The following DLGAP1 variants were observed in gnomAD, a reference collection of about 807,000 sequenced individuals.
The protein encoded by DLGAP1 is DLG associated protein 1, also known as disks large-associated protein 1.
DLGAP1 carries 11 observed loss-of-function variants against 90.8 expected under a neutral mutation model. The observed-to-expected ratio is 0.12, with a 90% CI of 0.08 to 0.20. The LOEUF (loss-of-function observed/expected upper bound fraction) is 0.20, where lower values mean the gene tolerates loss of function less well. Among genes scored for constraint, DLGAP1 ranks in the 10% least tolerant of loss-of-function variants. DLGAP1 has a pLI of 1.00. For missense variants in DLGAP1, 1,050 were observed against 1,333.8 expected (o/e 0.79, Z 3.31); for synonymous variants, 558 against 540.7 (o/e 1.03, Z -0.44).
intron 2 of DLGAP1, among the ~76,000 whole-genome samples, chr18:4,088,692 G>A (rs549396352): frequency 1.3e-4 from 20 of 152,070 alleles, no homozygotes; most frequent in African/African-American, 4.6e-4. Context: ...GTCTGAAGAT[G>A]TCAAACCATA....
intron 10 of DLGAP1, among the ~76,000 whole-genome samples, chr18:3,522,135 C>CTTTTTTTTTTTTTTT (rs11374414): frequency 1.2e-4 from 12 of 98,210 alleles, no homozygotes; most frequent in African/African-American, 2.0e-4. Flanking sequence ...TTCTTTCTTG[C>CTTTTTTTTTTTTTTT]TTTTTTTTTT....
intron 1 of DLGAP1, among the ~76,000 whole-genome samples, chr18:4,161,429 C>A (rs2076843378): frequency 6.6e-6 from 1 of 152,104 alleles, no homozygotes; most frequent in Admixed American, 6.6e-5. Flanking sequence ...GATCTCATTT[C>A]TTTTCATGGC....
At chr18:3,539,941 G>A (rs577852385) in intron 9 of DLGAP1, among the ~76,000 whole-genome samples, 1 of 152,266 alleles carries the variant, frequency 6.6e-6, no homozygotes, top group Non-Finnish European at 1.5e-5. Context: ...AGAGAGCAAT[G>A]CTAGCACTCT....
intron 5 of DLGAP1, among the ~76,000 whole-genome samples, chr18:3,778,900 C>A (rs558554459): frequency 1.3e-5 from 2 of 152,158 alleles, no homozygotes; most frequent in Non-Finnish European, 2.9e-5. Flanking sequence ...GCCAGTCCTG[C>A]AGCCTTGTAA....
chr18:3,642,814 C>T (rs1214533307), intron 7 of DLGAP1, among the ~76,000 whole-genome samples: 1 of 152,188 alleles, frequency 6.6e-6, no homozygotes, highest in Non-Finnish European at 1.5e-5. Context: ...AAAGCACACC[C>T]CAGAGCTAAG....
intron 7 of DLGAP1, among the ~76,000 whole-genome samples, chr18:3,612,053 C>T (rs1027040217): frequency 6.6e-6 from 1 of 152,220 alleles, no homozygotes; most frequent in Admixed American, 6.5e-5. Flanking sequence ...CTTTTCATGC[C>T]TGAAAGGCAA....
At chr18:3,602,788 G>T (rs2057134612) in intron 7 of DLGAP1, among the ~76,000 whole-genome samples, 1 of 151,908 alleles carries the variant, frequency 6.6e-6, no homozygotes. Context: ...ATTTTGGAGG[G>T]ATTTCTAGCA....
chr18:4,146,064 A>G (rs2076581115), intron 2 of DLGAP1, among the ~76,000 whole-genome samples: 1 of 152,212 alleles, frequency 6.6e-6, no homozygotes, highest in Non-Finnish European at 1.5e-5. Flanking sequence ...TTCATCTTTT[A>G]AAGTCCTAAA....
intron 10 of DLGAP1, among the ~76,000 whole-genome samples, chr18:3,525,510 C>T (rs2051557837): frequency 6.6e-6 from 1 of 152,188 alleles, no homozygotes; most frequent in South Asian, 2.1e-4. Flanking sequence ...AGCAGTTCTC[C>T]TTCCTCAGCC....
At chr18:4,432,384 T>C (rs1375353175) in intron 1 of DLGAP1, among the ~76,000 whole-genome samples, 1 of 152,192 alleles carries the variant, frequency 6.6e-6, no homozygotes, top group African/African-American at 2.4e-5. Context: ...CAGTATCTGA[T>C]ATTTGTTAAT....
chr18:3,538,076 A>G (rs1877037636), intron 9 of DLGAP1, among the ~76,000 whole-genome samples: 1 of 152,232 alleles, frequency 6.6e-6, no homozygotes, highest in African/African-American at 2.4e-5. Flanking sequence ...TGACCAGAAC[A>G]ATACAGACAA....
At chr18:4,019,392 A>G (rs2074573133) in intron 2 of DLGAP1, among the ~76,000 whole-genome samples, 1 of 152,192 alleles carries the variant, frequency 6.6e-6, no homozygotes, top group African/African-American at 2.4e-5. Context: ...CTTAAGATTT[A>G]TCTGATTAAA....
At chr18:4,224,992 C>T (rs1461702942) in intron 1 of DLGAP1, among the ~76,000 whole-genome samples, 1 of 152,020 alleles carries the variant, frequency 6.6e-6, no homozygotes, top group East Asian at 1.9e-4. Flanking sequence ...TACACACACT[C>T]ACACCCCCCC....
At chr18:3,755,715 A>G (rs769833271) in intron 5 of DLGAP1, among the ~76,000 whole-genome samples, 2 of 152,222 alleles carry the variant, frequency 1.3e-5, no homozygotes, top group African/African-American at 4.8e-5. Flanking sequence ...TAATTCAACA[A>G]TAGTAGTTAG....
At chr18:3,773,234 C>T (rs2148045287) in intron 5 of DLGAP1, among the ~76,000 whole-genome samples, 1 of 152,200 alleles carries the variant, frequency 6.6e-6, no homozygotes, top group East Asian at 1.9e-4. Flanking sequence ...CGATAACACA[C>T]TCATAAACTG....
chr18:4,269,445 C>T (rs1481337718), intron 1 of DLGAP1, among the ~76,000 whole-genome samples: 1 of 150,952 alleles, frequency 6.6e-6, no homozygotes, highest in Admixed American at 6.6e-5. Flanking sequence ...GCTCTGCCTG[C>T]CGGGCTCACG....
intron 8 of DLGAP1, among the ~76,000 whole-genome samples, chr18:3,568,697 T>G (rs2054574859): frequency 6.6e-6 from 1 of 152,090 alleles, no homozygotes; most frequent in South Asian, 2.1e-4. Flanking sequence ...GTTTGTTTGT[T>G]TGTTTTTGAG....
intron 2 of DLGAP1, among the ~76,000 whole-genome samples, chr18:4,138,744 T>A (rs1392166622): frequency 6.6e-6 from 1 of 152,082 alleles, no homozygotes; most frequent in Non-Finnish European, 1.5e-5. Context: ...TTGTTAAAAT[T>A]CATCAGTGAA....
intron 10 of DLGAP1, among the ~76,000 whole-genome samples, chr18:3,522,095 T>C (rs2051231737): frequency 6.6e-6 from 1 of 151,424 alleles, no homozygotes; most frequent in Non-Finnish European, 1.5e-5. Context: ...TATTCAAGTT[T>C]TGCCTTTTTT....
Sources: allele counts gnomAD v4.1 joint callset (sites outside exome capture counted in the v4.1 genomes callset), GRCh38; gene constraint gnomAD v4.1.1; transcripts MANE v1.5; gene names NCBI Gene and HGNC (gene_info 2026-07-23, HGNC 2026-07-21).